PTPRZ1: variants seen among roughly 807,000 people sequenced by gnomAD.
PTPRZ1 encodes the protein protein tyrosine phosphatase receptor type Z1.
Under a neutral mutation model 214.1 loss-of-function variants are expected in PTPRZ1, and 82 were observed. The ratio of observed to expected loss-of-function variants is 0.38; its 90% CI spans 0.32 to 0.46. The LOEUF is 0.46. PTPRZ1 is among the 20% of genes least tolerant of loss of function. PTPRZ1 has a pLI of 1.00. For missense variants in PTPRZ1, 2,603 were observed against 2,748.7 expected (o/e 0.95, Z 1.19); for synonymous variants, 945 against 987.9 (o/e 0.96, Z 0.81).
chr7:121,878,946 CT>C (rs1794146707), intron 1 of PTPRZ1, among the ~76,000 whole-genome samples: 1 of 152,140 alleles, frequency 6.6e-6, no homozygotes, highest in Non-Finnish European at 1.5e-5. Context: ...GTCTTTCCCT[CT>C]TTTGATTATG....
intron 2 of PTPRZ1, among the ~76,000 whole-genome samples, chr7:121,962,799 C>T (rs573137621): frequency 1.8e-3 from 266 of 151,848 alleles, no homozygotes; most frequent in African/African-American, 5.7e-3. Context: ...CTCCTGACCT[C>T]GTGATCCGCC....
intron 1 of PTPRZ1, among the ~76,000 whole-genome samples, chr7:121,879,912 G>C (rs886791918): frequency 1.3e-5 from 2 of 149,778 alleles, no homozygotes; most frequent in Non-Finnish European, 1.5e-5. Flanking sequence ...TTCCTCTTCA[G>C]CTTCACTTTC....
intron 1 of PTPRZ1, chr7:121,908,769 TATTA>T (rs1337727963): frequency 2.0e-6 from 1 of 495,898 alleles, no homozygotes; most frequent in Admixed American, 2.2e-5. Flanking sequence ...AATGACACTT[TATTA>T]ATAGTGCTAC....
chr7:121,955,647 C>T (rs1796683565), intron 2 of PTPRZ1, among the ~76,000 whole-genome samples: 1 of 152,188 alleles, frequency 6.6e-6, no homozygotes, highest in Non-Finnish European at 1.5e-5. Context: ...ATTAATCAAC[C>T]TGCATTGCCT....
intron 2 of PTPRZ1, among the ~76,000 whole-genome samples, chr7:121,949,248 T>C (rs1302137698): frequency 6.6e-6 from 1 of 152,192 alleles, no homozygotes; most frequent in African/African-American, 2.4e-5. Flanking sequence ...CAATCAGATA[T>C]GCATTTATCT....
chr7:122,058,857 A>T lies in PTPRZ1; in HGVS notation c.6586A>T (p.Ser2196Cys). 1.3e-6 allele frequency: 2 copies of T among 1,597,190 alleles called. No homozygotes were observed. Among genetic ancestry groups the T allele is most frequent in the Non-Finnish European group, 8.6e-7 (1 of 1,164,898 alleles). Residue 2196 changes from serine (S) to cysteine (C), a missense_variant, in exon 28 of 30, where the codon AGC (serine) becomes TGC (cysteine). Physicochemically the swap from Ser to Cys is moderately radical, Grantham distance 112. Coordinates refer to ENST00000393386, the MANE Select transcript of PTPRZ1 (RefSeq NM_002851.3). ...GTGTCCTAAATGGCCAAATCCAGATAGCCCCATTAGTAAAACTTTTGAACT... is the reference window on the plus strand; with the variant it reads ...GTGTCCTAAATGGCCAAATCCAGATTGCCCCATTAGTAAAACTTTTGAACT... The part of the protein sequence containing the change: ...FQCPKWPNPD[S>C]PISKTFELIS...
chr7:121,976,937 C>A (rs941926746), intron 6 of PTPRZ1, 86 bp downstream of exon 6: 8 of 1,130,294 alleles, frequency 7.1e-6, no homozygotes, highest in Non-Finnish European at 1.0e-5. Context: ...TCACTTGTTC[C>A]AAAAGGTGGA....
intron 1 of PTPRZ1, among the ~76,000 whole-genome samples, chr7:121,888,800 A>C (rs1048687823): frequency 1.1e-4 from 17 of 152,146 alleles, no homozygotes; most frequent in African/African-American, 3.9e-4. Context: ...AGAGACACTA[A>C]AAAACAGACT....
intron 1 of PTPRZ1, among the ~76,000 whole-genome samples, chr7:121,875,645 C>T (rs987071026): frequency 2.0e-5 from 3 of 152,208 alleles, no homozygotes; most frequent in African/African-American, 7.2e-5. Flanking sequence ...TTTGTTGAGA[C>T]TGGAAGGTGA....
At chr7:121,877,607 G>A (rs928220822) in intron 1 of PTPRZ1, among the ~76,000 whole-genome samples, 4 of 152,220 alleles carry the variant, frequency 2.6e-5, no homozygotes, top group Non-Finnish European at 2.9e-5. Context: ...CTAAGTGCCC[G>A]ACATCTGCAA....
intron 1 of PTPRZ1, among the ~76,000 whole-genome samples, chr7:121,921,995 T>A (rs1275461949): frequency 6.6e-6 from 1 of 152,200 alleles, no homozygotes; most frequent in Non-Finnish European, 1.5e-5. Context: ...TATGATAATT[T>A]AACTTCACAG....
intron 2 of PTPRZ1, among the ~76,000 whole-genome samples, chr7:121,950,926 T>C (rs533529476): frequency 7.9e-5 from 12 of 152,210 alleles, no homozygotes; most frequent in Non-Finnish European, 1.5e-4. Flanking sequence ...ATTTATTTTC[T>C]AATTACCCAT....
At chr7:121,888,874 A>C (rs865920192) in intron 1 of PTPRZ1, among the ~76,000 whole-genome samples, 5 of 152,280 alleles carry the variant, frequency 3.3e-5, no homozygotes, top group Middle Eastern at 3.4e-3. Flanking sequence ...AAAATCCATT[A>C]TTTTATTACA....
intron 1 of PTPRZ1, among the ~76,000 whole-genome samples, chr7:121,900,231 A>G (rs1452469622): frequency 1.3e-5 from 2 of 152,186 alleles, no homozygotes; most frequent in East Asian, 3.9e-4. Flanking sequence ...ACACAAGGTC[A>G]TAAACGTGAA....
intron 2 of PTPRZ1, among the ~76,000 whole-genome samples, chr7:121,933,379 A>T (rs559505435): frequency 1.2e-4 from 19 of 152,098 alleles, no homozygotes; most frequent in Non-Finnish European, 2.1e-4. Flanking sequence ...GGACTTTAAA[A>T]ATATTATATT....
At chr7:122,060,179 T>C (rs1792525329) in intron 29 of PTPRZ1, among the ~76,000 whole-genome samples, 1 of 152,204 alleles carries the variant, frequency 6.6e-6, no homozygotes, top group South Asian at 2.1e-4. Flanking sequence ...CCTTCAGCTC[T>C]TTGGTCTGTT....
intron 10 of PTPRZ1, among the ~76,000 whole-genome samples, chr7:121,999,713 A>AT (rs1287384261): frequency 6.6e-6 from 1 of 151,940 alleles, no homozygotes; most frequent in African/African-American, 2.4e-5. Context: ...AACTTTCTGA[A>AT]TTTTTTTGTT....
chr7:121,891,227 C>A (rs942391638), intron 1 of PTPRZ1, among the ~76,000 whole-genome samples: 3 of 152,036 alleles, frequency 2.0e-5, no homozygotes, highest in African/African-American at 7.2e-5. Context: ...AGTGATATTG[C>A]AACCACCTCT....
Position 121,992,422 on chromosome 7 carries a change from C to T in PTPRZ1, c.929-3960C>T, listed in dbSNP as rs532906388. Among the ~76,000 whole-genome samples, 24 of 152,170 alleles carry T rather than the reference C, an allele frequency of 1.6e-4. No homozygotes were observed. The South Asian group carries it at 4.8e-3, about 30-fold the overall frequency. ...GCTTTGCTTATTAATATTTTAGCACCGGTTCCACAGATCACATCCATTCCT... is the reference window on the plus strand; with the variant it reads ...GCTTTGCTTATTAATATTTTAGCACTGGTTCCACAGATCACATCCATTCCT... On this transcript the variant is annotated intron_variant, in intron 8 of 29. Coordinates refer to ENST00000393386, the MANE Select transcript of PTPRZ1 (RefSeq NM_002851.3).
Sources: gnomAD v4.1 joint callset for allele counts (sites outside exome capture counted in the v4.1 genomes callset) on GRCh38, gnomAD v4.1.1 for gene constraint, MANE v1.5 for transcripts, NCBI Gene and HGNC (gene_info 2026-07-23, HGNC 2026-07-21) for gene names.